Variants in AKAP19 observed in about 807,000 individuals in gnomAD.
The protein encoded by AKAP19 is small A-kinase anchoring protein.
At chr2:190,162,977 G>A in the AKAP19 span, among the ~76,000 whole-genome samples, 1 of 152,162 alleles carries the variant, frequency 6.6e-6, no homozygotes, top group Non-Finnish European at 1.5e-5. Context: ...TAAAAAGCAA[G>A]TGGAGTGCAT....
At chr2:190,096,710 T>G in the AKAP19 span, among the ~76,000 whole-genome samples, 1 of 152,364 alleles carries the variant, frequency 6.6e-6, no homozygotes, top group South Asian at 2.1e-4. Context: ...CATTTATTTT[T>G]AAACAATGTA....
the AKAP19 span, among the ~76,000 whole-genome samples, chr2:189,949,700 C>T: frequency 1.4e-5 from 2 of 143,952 alleles, no homozygotes; most frequent in African/African-American, 5.2e-5. Flanking sequence ...GGCACAATCT[C>T]GGCTCACTGC....
the AKAP19 span, among the ~76,000 whole-genome samples, chr2:189,997,480 G>C: frequency 1.3e-5 from 2 of 152,130 alleles, no homozygotes; most frequent in African/African-American, 4.8e-5. Flanking sequence ...GGGATGGGGT[G>C]TGGTTCTTGA....
chr2:190,095,989 G>A, the AKAP19 span, among the ~76,000 whole-genome samples: 5 of 152,292 alleles, frequency 3.3e-5, no homozygotes, highest in African/African-American at 1.2e-4. Flanking sequence ...AACCACATCA[G>A]TTCTTGTCTT....
the AKAP19 span, among the ~76,000 whole-genome samples, chr2:189,916,640 A>C: frequency 6.6e-6 from 1 of 152,078 alleles, no homozygotes; most frequent in African/African-American, 2.4e-5. Flanking sequence ...AATAATTTTC[A>C]TATGCCTGTA....
chr2:189,936,550 A>G, the AKAP19 span, among the ~76,000 whole-genome samples: 1 of 152,190 alleles, frequency 6.6e-6, no homozygotes, highest in African/African-American at 2.4e-5. Context: ...TAATATTTTA[A>G]TATTTTAGGC....
chr2:190,177,713 A>G, the AKAP19 span, among the ~76,000 whole-genome samples: 1 of 152,106 alleles, frequency 6.6e-6, no homozygotes, highest in African/African-American at 2.4e-5. This position sits in a 1 kb window ranked among gnomAD's most constrained non-coding sequence, Gnocchi z 4.6. Context: ...TGGAAGTTTT[A>G]TGGGGCTGGG....
At chr2:190,160,371 G>A in the AKAP19 span, among the ~76,000 whole-genome samples, 1 of 151,856 alleles carries the variant, frequency 6.6e-6, no homozygotes, top group African/African-American at 2.4e-5. Context: ...AGTAATATTC[G>A]TCCATGTTTC....
the AKAP19 span, among the ~76,000 whole-genome samples, chr2:190,173,771 T>C: frequency 6.6e-6 from 1 of 152,246 alleles, no homozygotes; most frequent in Non-Finnish European, 1.5e-5. Context: ...CCTGTTAACT[T>C]CCTTTAAAAT....
At chr2:190,147,848 T>A in the AKAP19 span, among the ~76,000 whole-genome samples, 1 of 152,200 alleles carries the variant, frequency 6.6e-6, no homozygotes, top group Admixed American at 6.5e-5. Context: ...CTGATTTGTG[T>A]ACATTCATCT....
At chr2:189,954,070 C>T in the AKAP19 span, among the ~76,000 whole-genome samples, 1 of 152,030 alleles carries the variant, frequency 6.6e-6, no homozygotes, top group African/African-American at 2.4e-5. Flanking sequence ...TTGGGGAATC[C>T]CTGTCAGTGG....
At chr2:189,934,277 A>C in the AKAP19 span, among the ~76,000 whole-genome samples, 1 of 152,068 alleles carries the variant, frequency 6.6e-6, no homozygotes, top group Admixed American at 6.5e-5. Flanking sequence ...CACATTGTTT[A>C]GCCATTTCTG....
At chr2:189,928,736 C>T in the AKAP19 span, among the ~76,000 whole-genome samples, 1 of 152,082 alleles carries the variant, frequency 6.6e-6, no homozygotes, top group South Asian at 2.1e-4. Flanking sequence ...CTAAATTCCT[C>T]TATATTGCAA....
the AKAP19 span, among the ~76,000 whole-genome samples, chr2:189,965,821 G>T: frequency 2.6e-5 from 4 of 152,002 alleles, no homozygotes; most frequent in Admixed American, 6.6e-5. Flanking sequence ...AGGAAAAGAA[G>T]TCATACAAAA....
At chr2:190,041,840 C>G in the AKAP19 span, among the ~76,000 whole-genome samples, 1 of 152,176 alleles carries the variant, frequency 6.6e-6, no homozygotes, top group Non-Finnish European at 1.5e-5. Flanking sequence ...ATACATTAAA[C>G]AAACCTTGTA....
the AKAP19 span, chr2:189,930,665 A>C: frequency 6.2e-6 from 2 of 324,976 alleles, no homozygotes. Context: ...GACAAGAAGG[A>C]AACTCCCTCT....
At chr2:190,083,205 C>T in the AKAP19 span, among the ~76,000 whole-genome samples, 5 of 151,990 alleles carry the variant, frequency 3.3e-5, no homozygotes, top group African/African-American at 9.7e-5. Context: ...ATGGCAAAAC[C>T]CCGTCTCTAC....
the AKAP19 span, chr2:190,199,854 T>TCATAA: frequency 1.2e-6 from 2 of 1,612,144 alleles, no homozygotes; most frequent in African/African-American, 1.3e-5. Flanking sequence ...AAACAGCTCT[T>TCATAA]CATAACATGG....
chr2:189,920,257 T>C, the AKAP19 span, among the ~76,000 whole-genome samples: 1 of 152,212 alleles, frequency 6.6e-6, no homozygotes, highest in Admixed American at 6.5e-5. Context: ...AGTTTGAAGA[T>C]GTCAGATTCC....
Sources: gnomAD v4.1 joint callset for allele counts (sites outside exome capture counted in the v4.1 genomes callset) on GRCh38, gnomAD v4.1.1 for gene constraint, Gnocchi (gnomAD v3.1) non-coding constraint, MANE v1.5 for transcripts, NCBI Gene and HGNC (gene_info 2026-07-23, HGNC 2026-07-21) for gene names.